ZNF615: variants seen among roughly 807,000 people sequenced by gnomAD.
The protein encoded by ZNF615 is zinc finger protein 615.
A neutral mutation model predicts 15.3 loss-of-function variants in ZNF615; 15 were observed. The ratio of observed to expected loss-of-function variants is 0.98; its 90% CI spans 0.66 to 1.51. The LOEUF (loss-of-function observed/expected upper bound fraction) is 1.51, where lower values mean the gene tolerates loss of function less well. ZNF615 is among the 40% of genes most tolerant of loss of function. ZNF615 has a pLI of 0.00. For missense variants in ZNF615, 848 were observed against 895.9 expected (o/e 0.95, Z 0.68); for synonymous variants, 268 against 294.6 (o/e 0.91, Z 0.92).
chr19:51,995,174 G>A (rs1371305124), intron 6 of ZNF615, among the ~76,000 whole-genome samples: 1 of 152,158 alleles, frequency 6.6e-6, no homozygotes, highest in Non-Finnish European at 1.5e-5. Context: ...TGGGAGAGAT[G>A]TGTAAGATTC....
At position 51,994,712 on chromosome 19, in the gene ZNF615, G is replaced by C. The variant is rs757967600; in HGVS notation, c.397C>G (p.Leu133Val). ...NIVNQNKGHF[L>V]LKQDCDTFDL... is the part of the protein sequence containing the mutation. The stretch of plus-strand genomic sequence containing the variant: ...AACGTATCACAATCTTGCTTCAGCA[G>C]GAAATGACCTTTGTTCTGATTAACA... Residue 133 changes from leucine (L) to valine (V), a missense_variant, in exon 7 of 7, where the codon CTG becomes GTG. Physicochemically the swap from Leu to Val is conservative, Grantham distance 32. Coordinates refer to ENST00000598071, the MANE Select transcript of ZNF615 (RefSeq NM_001199324.2). The C allele has an allele frequency of 6.2e-7, 1 of 1,613,746 alleles. No individual in the cohort carries two copies. Among genetic ancestry groups the C allele is most frequent in the East Asian group, 2.2e-5 (1 of 44,856 alleles).
chr19:51,994,073 G>A lies in ZNF615; in HGVS notation c.1036C>T (p.Gln346Ter), dbSNP rs2086340247. 1.2e-6 allele frequency: 2 copies of A among 1,613,948 alleles called. No individual in the cohort carries two copies. The highest frequency in any genetic ancestry group is 1.3e-5 in the African/African-American group (1 of 74,882). The change falls in exon 7 of 7, where the codon CAG becomes TAG. Residue 346 changes from glutamine (Q) to a stop codon, truncating the protein, a stop_gained. Transcript: ENST00000598071. LOFTEE classifies it low-confidence loss of function (END_TRUNC). ...GGTTTTTCTCCTGTATGAGTTTTCT[G>A]ATGTGTAGTGAGACTGAACTTTGTA... ...FSTKFSLTTHQKTHTGEKPYI... is the reference protein window; with the variant it reads ...FSTKFSLTTH
At chr19:51,996,101 G>T (rs2123026019) in intron 6 of ZNF615, among the ~76,000 whole-genome samples, 1 of 152,100 alleles carries the variant, frequency 6.6e-6, no homozygotes, top group South Asian at 2.1e-4. Flanking sequence ...AAAATTATAT[G>T]GTTTCAGGCT....
intron 3 of ZNF615, among the ~76,000 whole-genome samples, chr19:52,003,141 T>C (rs544056580): frequency 4.2e-4 from 50 of 120,298 alleles, no homozygotes; most frequent in African/African-American, 2.1e-3. Context: ...TTAAGCAAAT[T>C]TGGAAAAAAA....
At position 51,993,085 on chromosome 19, in the gene ZNF615, T is replaced by C. The variant is rs1568494381; in HGVS notation, c.2024A>G (p.Lys675Arg). 6.2e-7 allele frequency: 1 copy of C among 1,614,110 alleles called. No homozygotes were observed. Among genetic ancestry groups the C allele is most frequent in the Non-Finnish European group, 8.5e-7 (1 of 1,180,026 alleles). ...CTECGKFSLR[K>R]NDLITHQRIH... ...TCTCTGATGTGTAATAAGATCATTT[T>C]TGCGCAAAGAGAATTTTCCACATTC... The change falls in exon 7 of 7, where the codon AAA becomes AGA. Residue 675 changes from lysine (K) to arginine (R), a missense_variant. Coordinates refer to ENST00000598071, the MANE Select transcript of ZNF615 (RefSeq NM_001199324.2).
At chr19:52,000,257 A>C (rs2086552648) in intron 6 of ZNF615, 89 bp downstream of exon 6, 2 of 508,146 alleles carry the variant, frequency 3.9e-6, no homozygotes, top group Admixed American at 6.6e-5. Context: ...TTGAAGAACC[A>C]CCTATTTGGT....
intron 6 of ZNF615, among the ~76,000 whole-genome samples, chr19:51,999,625 C>T (rs1022212737): frequency 1.3e-5 from 2 of 151,964 alleles, no homozygotes; most frequent in Non-Finnish European, 2.9e-5. Flanking sequence ...CATTGTATCT[C>T]AATAATAGTT....
chr19:52,008,097 T>A, intron 1 of ZNF615, 44 bp downstream of exon 1: 1 of 1,527,522 alleles, frequency 6.5e-7, no homozygotes, highest in Non-Finnish European at 8.8e-7. Context: ...CGGACAGAAT[T>A]TCCTCCCCCG....
chr19:51,994,027 C>T lies in ZNF615; in HGVS notation c.1082G>A (p.Gly361Glu), dbSNP rs141051481. ...ACGCCTCTTCTCAATGAAGCCTTTT[C>T]CACATTCACTACATATATAAGGTTT... ...GEKPYICSECGKGFIEKRRLT... is the reference protein window; with the variant it reads ...GEKPYICSECEKGFIEKRRLT... The change falls in exon 7 of 7, where the codon GGA becomes GAA. Residue 361 changes from glycine to glutamate, a missense_variant. Transcript: ENST00000598071. 6.0e-5 allele frequency: 96 copies of T among 1,612,406 alleles called. No homozygotes were observed. The highest frequency in any genetic ancestry group is 7.9e-5 in the Non-Finnish European group (93 of 1,179,204).
intron 5 of ZNF615, among the ~76,000 whole-genome samples, chr19:52,000,920 T>C (rs1600003769): frequency 6.6e-6 from 1 of 151,850 alleles, no homozygotes; most frequent in South Asian, 2.1e-4. Context: ...AGATGAGACC[T>C]TCTTTCCAAA....
intron 5 of ZNF615, among the ~76,000 whole-genome samples, chr19:52,001,608 C>G (rs1370118631): frequency 7.7e-6 from 1 of 130,628 alleles, no homozygotes; most frequent in Non-Finnish European, 1.6e-5. Context: ...CAGAGCAAGA[C>G]TCCATCTCAA....
chr19:51,999,559 T>C (rs1293668992), intron 6 of ZNF615, among the ~76,000 whole-genome samples: 5 of 152,202 alleles, frequency 3.3e-5, no homozygotes, highest in African/African-American at 1.2e-4. Flanking sequence ...ACTAGGTGAA[T>C]AGATTAAAAA....
chr19:52,000,325 C>A (rs1272907827), intron 6 of ZNF615, 21 bp downstream of exon 6: 1 of 615,686 alleles, frequency 1.6e-6, no homozygotes, highest in Admixed American at 2.2e-5. Context: ...CGGCATCAGG[C>A]AATATATCCA....
intron 6 of ZNF615, among the ~76,000 whole-genome samples, chr19:51,996,408 A>AAAAC (rs1329071510): frequency 5.6e-5 from 7 of 125,188 alleles, no homozygotes; most frequent in African/African-American, 2.2e-4. Context: ...AAAAAAAAAA[A>AAAAC]CGCAAAACTA....
rs1309522812 is a variant in ZNF615, at chr19:51,991,870, G to A, written c.*1010C>T. The A allele has an allele frequency of 2.0e-5, 3 of 149,342 alleles. No individual in the cohort carries two copies. Among genetic ancestry groups the A allele is most frequent in the African/African-American group, 7.5e-5 (3 of 39,830 alleles). 9.3% of individuals were successfully genotyped at this position (149,342 alleles called of 1,614,324 possible). On this transcript the variant is annotated 3_prime_UTR_variant, in exon 7 of 7. Transcript: ENST00000598071. ...GTATTTGGTAATGAACTATGCTTATGTAAGTTGTTATCTTTGGAAGAAGCT... is the reference window on the plus strand; with the variant it reads ...GTATTTGGTAATGAACTATGCTTATATAAGTTGTTATCTTTGGAAGAAGCT...
intron 2 of ZNF615, 26 bp downstream of exon 2, chr19:52,007,267 G>A (rs2086778847): frequency 7.8e-7 from 1 of 1,278,000 alleles, no homozygotes; most frequent in South Asian, 1.2e-5. Context: ...ATTTGACAAA[G>A]GTTATCTTTG....
chr19:52,007,689 G>A (rs6509612), intron 1 of ZNF615, among the ~76,000 whole-genome samples: 4,248 of 152,134 alleles, frequency 0.028, 188 homozygotes, highest in African/African-American at 0.093. Context: ...CCAAAACCTG[G>A]ATCAGAAACC....
intron 6 of ZNF615, among the ~76,000 whole-genome samples, chr19:51,996,596 C>G (rs2086449225): frequency 6.6e-6 from 1 of 151,956 alleles, no homozygotes; most frequent in African/African-American, 2.4e-5. Flanking sequence ...CTCGAAAAGG[C>G]CTTATCTGGA....
At chr19:51,995,196 T>C (rs2086383321) in intron 6 of ZNF615, among the ~76,000 whole-genome samples, 1 of 152,194 alleles carries the variant, frequency 6.6e-6, no homozygotes, top group Non-Finnish European at 1.5e-5. Flanking sequence ...TTTTATCTCT[T>C]ACACATAAAG....
Sources: allele counts gnomAD v4.1 joint callset (sites outside exome capture counted in the v4.1 genomes callset), GRCh38; gene constraint gnomAD v4.1.1; transcripts MANE v1.5; gene names NCBI Gene and HGNC (gene_info 2026-07-23, HGNC 2026-07-21).